RTEL1: variants seen among roughly 807,000 people sequenced by gnomAD.
The protein encoded by RTEL1 is regulator of telomere elongation helicase 1.
Under a neutral mutation model 162.2 loss-of-function variants are expected in RTEL1, and 86 were observed. That is an observed-to-expected ratio of 0.53 (90% CI 0.45 to 0.63). RTEL1 has a LOEUF of 0.63. Ranked by LOEUF, RTEL1 falls within the 30% of genes least tolerant of loss-of-function variation. The pLI, the probability that RTEL1 is intolerant of heterozygous loss-of-function variation, is 0.00. For missense variants in RTEL1, 1,941 were observed against 1,750.2 expected (o/e 1.11, Z -1.95); for synonymous variants, 958 against 717.9 (o/e 1.33, Z -5.35).
At chr20:63,679,349 A>G (rs1601137077) in intron 12 of RTEL1, among the ~76,000 whole-genome samples, 1 of 151,956 alleles carries the variant, frequency 6.6e-6, no homozygotes, top group Admixed American at 6.6e-5. Context: ...GCCACCCTGC[A>G]CCCTCAGGGT....
At chr20:63,687,535 C>T (rs1218450990) in intron 16 of RTEL1, 103 bp from the exon 17 acceptor site, 6 of 1,326,706 alleles carry the variant, frequency 4.5e-6, no homozygotes, top group Non-Finnish European at 6.1e-6. Flanking sequence ...GGCTCGCTTG[C>T]TTGATGCCAG....
At chr20:63,667,078 A>G (rs1464983474) in intron 7 of RTEL1, among the ~76,000 whole-genome samples, 3 of 139,014 alleles carry the variant, frequency 2.2e-5, no homozygotes, top group African/African-American at 8.2e-5. Flanking sequence ...TGACCTTGTG[A>G]TCCGCCCACC....
intron 25 of RTEL1, 37 bp downstream of exon 25, chr20:63,690,247 C>T (rs1367446078): frequency 6.2e-7 from 1 of 1,604,738 alleles, no homozygotes; most frequent in East Asian, 2.2e-5. Flanking sequence ...AGGGTGTTGT[C>T]CCCAGAGGAG....
chr20:63,687,278 G>A (rs974209625), intron 16 of RTEL1: 13 of 232,344 alleles, frequency 5.6e-5, no homozygotes, highest in South Asian at 1.2e-4. Flanking sequence ...TCGGGATGCC[G>A]GCGCTTCCTT....
chr20:63,693,180 G>A lies in RTEL1; in HGVS notation c.2889G>A (p.Gln963=), dbSNP rs1274218203. The change falls in exon 30 of 35, where the codon CAG becomes CAA. Residue 963 remains glutamine, a synonymous_variant. Transcript: ENST00000360203. ...TTGTGCGGCCCCACCATAAGCAGCAGTTTGAGGAGGTCTGTATCCAGCTGA... is the reference window on the plus strand; with the variant it reads ...TTGTGCGGCCCCACCATAAGCAGCAATTTGAGGAGGTCTGTATCCAGCTGA... ...YQFVRPHHKQ[Q]FEEVCIQLTG... 8 of 1,612,078 alleles carry A rather than the reference G, an allele frequency of 5.0e-6. No homozygotes were observed. The African/African-American group carries it at 5.3e-5, about 11-fold the overall frequency.
At position 63,694,436 on chromosome 20, in the gene RTEL1, A is replaced by G. The variant is rs2090914309; in HGVS notation, c.3057A>G (p.Gln1019=). Residue 1019 remains glutamine, a synonymous_variant, in exon 31 of 35, where the codon CAA becomes CAG. Coordinates refer to ENST00000360203, the MANE Select transcript of RTEL1 (RefSeq NM_001283009.2). ...CTGCAGCCCAGCAGCTGGACCCCCA[A>G]GAGCACCTGAACCAGGGCAGGCCCC... is the stretch of plus-strand genomic sequence containing the variant. ...STAAAQQLDP[Q]EHLNQGRPHL... 6.2e-7 allele frequency: 1 copy of G among 1,612,248 alleles called. No homozygotes were observed. Among genetic ancestry groups the G allele is most frequent in the South Asian group, 1.1e-5 (1 of 91,054 alleles).
In RTEL1 at chr20:63,659,457, A is replaced by C; in HGVS notation, c.55A>C (p.Lys19Gln). ...CGTAGACTTCCCTTTCCAGCCCTAC[A>C]AATGCCAACAGGAGTACATGACCAA... ...VTVDFPFQPYKCQQEYMTKVL... is the reference protein window; with the variant it reads ...VTVDFPFQPYQCQQEYMTKVL... Residue 19 changes from lysine to glutamine, a missense_variant, in exon 2 of 35, where the codon AAA becomes CAA. Coordinates refer to ENST00000360203, the MANE Select transcript of RTEL1 (RefSeq NM_001283009.2). 6.2e-7 allele frequency: 1 copy of C among 1,614,156 alleles called. No individual in the cohort carries two copies. The highest frequency in any genetic ancestry group is 8.5e-7 in the Non-Finnish European group (1 of 1,180,004).
At chr20:63,694,040 C>A (rs575689590) in intron 30 of RTEL1, among the ~76,000 whole-genome samples, 8 of 152,010 alleles carry the variant, frequency 5.3e-5, no homozygotes, top group Non-Finnish European at 8.8e-5. Context: ...ACAGAGTTCC[C>A]CTAGTTCACC....
At position 63,695,965 on chromosome 20, in the gene RTEL1, G is replaced by A. The variant is rs967458863; in HGVS notation, c.*107G>A. ...CAGAATAGGCCAGCCCATGCCAGCC[G>A]GCTTGGCCCGCTGCAGGCCTCAGGC... On this transcript the variant is annotated 3_prime_UTR_variant, in exon 35 of 35. Coordinates refer to ENST00000360203, the MANE Select transcript of RTEL1 (RefSeq NM_001283009.2). 28 of 1,166,792 alleles carry A rather than the reference G, an allele frequency of 2.4e-5. No homozygotes were observed. Among genetic ancestry groups the A allele is most frequent in the South Asian group, 1.6e-4 (11 of 67,966 alleles). The allele number at this position is 1,166,792 out of a possible 1,614,324, so 72.3% of individuals were successfully genotyped here.
intron 16 of RTEL1, chr20:63,686,124 C>T (rs1454713017): frequency 1.8e-5 from 10 of 565,810 alleles, no homozygotes; most frequent in South Asian, 8.0e-5. Context: ...GGCAGAGCCA[C>T]AGCCCAGCCA....
At chr20:63,659,821 A>G (rs6062295) in intron 2 of RTEL1, among the ~76,000 whole-genome samples, 85,322 of 152,144 alleles carry the variant, frequency 0.56, 24,649 homozygotes, top group African/African-American at 0.59. Flanking sequence ...CTCAGCATAC[A>G]GAGGACCTGC....
chr20:63,695,886 A>T lies in RTEL1; in HGVS notation c.*28A>T. The T allele has an allele frequency of 6.4e-7, 1 of 1,554,540 alleles. No homozygotes were observed. The highest frequency in any genetic ancestry group is 8.7e-7 in the Non-Finnish European group (1 of 1,149,798). ...GCCCACGGAGGCCCCCAGCACACCC[A>T]ACGTGGCTTGATCACCTGCCTGTCC... On this transcript the variant is annotated 3_prime_UTR_variant, in exon 35 of 35. Transcript: ENST00000360203.
rs369817802 is a variant in RTEL1, at chr20:63,695,774, A to T, written c.3823-4A>T. ...ACGTGTGCAGTGGGCCGGTTGTCTCACAGGCCTCTAGGATGTGCCCAGCCT... is the reference window on the plus strand; with the variant it reads ...ACGTGTGCAGTGGGCCGGTTGTCTCTCAGGCCTCTAGGATGTGCCCAGCCT... On this transcript the variant is annotated splice_polypyrimidine_tract_variant and splice_region_variant and intron_variant, in intron 34 of 34. Transcript: ENST00000360203. 48 of 1,589,774 alleles carry T rather than the reference A, an allele frequency of 3.0e-5. No individual in the cohort carries two copies. Among genetic ancestry groups the T allele is most frequent in the Non-Finnish European group, 4.0e-5 (47 of 1,168,880 alleles).
Position 63,661,239 on chromosome 20 carries a change from C to T in RTEL1, c.103-59C>T. On this transcript the variant is annotated intron_variant, in intron 2 of 34. Transcript: ENST00000360203. This position sits in a 1 kb window ranked among gnomAD's most constrained non-coding sequence, Gnocchi z 5.1. The stretch of plus-strand genomic sequence containing the variant: ...GCTGCCGAAGCTTGTCTCAGGGCAG[C>T]TTGTGTGGCCTCGCCTCTTCCTGGC... The T allele has an allele frequency of 6.6e-7, 1 of 1,521,524 alleles. No homozygotes were observed. Among genetic ancestry groups the T allele is most frequent in the Non-Finnish European group, 9.0e-7 (1 of 1,106,988 alleles). The allele number at this position is 1,521,524 out of a possible 1,614,324, so 94.3% of individuals were successfully genotyped here. A position where few individuals can be genotyped will look rare whatever the true frequency, so the allele number is the denominator to read the frequency against.
Position 63,672,690 on chromosome 20 carries a change from C to G in RTEL1, c.765+69C>G, listed in dbSNP as rs2090268814. 6.0e-6 allele frequency: 8 copies of G among 1,339,814 alleles called. No homozygotes were observed. In the South Asian group the frequency reaches 6.3e-5, roughly 10 times the overall value. The allele number at this position is 1,339,814 out of a possible 1,614,324, so 83.0% of individuals were successfully genotyped here. ...CCTTTTTGTCAAGAGCCACGCAAAC[C>G]TTTCTGGAGGGGCTCTGGCCAAACT... On this transcript the variant is annotated intron_variant, in intron 9 of 34. Transcript: ENST00000360203.
chr20:63,688,491 AC>A (rs1376147945), intron 20 of RTEL1, 36 bp from the exon 21 acceptor site: 1 of 1,606,166 alleles, frequency 6.2e-7, no homozygotes, highest in South Asian at 1.1e-5. Context: ...CGGCGGCGTG[AC>A]CAGGGCTGCC....
At chr20:63,676,561 G>A (rs2090353579) in intron 10 of RTEL1, among the ~76,000 whole-genome samples, 1 of 152,182 alleles carries the variant, frequency 6.6e-6, no homozygotes, top group Non-Finnish European at 1.5e-5. Flanking sequence ...CATCTAGTCA[G>A]TTAGCAGGAA....
chr20:63,672,498 T>C, intron 8 of RTEL1, 58 bp from the exon 9 acceptor site: 1 of 1,373,704 alleles, frequency 7.3e-7, no homozygotes. Flanking sequence ...TGTCTTGGCT[T>C]CCCTCTTTCC....
chr20:63,661,840 G>A lies in RTEL1; in HGVS notation c.302-10G>A, dbSNP rs1192142043. The A allele has an allele frequency of 1.2e-6, 2 of 1,613,220 alleles. No homozygotes were observed. The highest frequency in any genetic ancestry group is 1.7e-5 in the Admixed American group (1 of 60,016). On this transcript the variant is annotated splice_polypyrimidine_tract_variant and intron_variant, in intron 3 of 34. Transcript: ENST00000360203. This position sits in a 1 kb window ranked among gnomAD's most constrained non-coding sequence, Gnocchi z 5.1. ...AACCGTGACTTCTGTGCTTGCTTGT[G>A]TCTGGTCAGCTTGCTACACGGACAT...
Sources: allele counts gnomAD v4.1 joint callset (sites outside exome capture counted in the v4.1 genomes callset), GRCh38; gene constraint gnomAD v4.1.1; non-coding constraint Gnocchi (gnomAD v3.1); transcripts MANE v1.5; gene names NCBI Gene and HGNC (gene_info 2026-07-23, HGNC 2026-07-21).